The following FAF1 variants were observed in gnomAD, a reference collection of about 807,000 sequenced individuals.
FAF1 encodes Fas associated factor 1.
A neutral mutation model predicts 92.5 loss-of-function variants in FAF1; 25 were observed. That is an observed-to-expected ratio of 0.27 (90% CI 0.20 to 0.38). The LOEUF (loss-of-function observed/expected upper bound fraction) is 0.38. Ranked by LOEUF, FAF1 falls within the 10% of genes least tolerant of loss-of-function variation. The probability of loss-of-function intolerance (pLI) is 1.00; values close to 1 mark genes in which losing one functional copy is unlikely to be tolerated. For missense variants in FAF1, 636 were observed against 793.3 expected (o/e 0.80, Z 2.38); for synonymous variants, 234 against 273.2 (o/e 0.86, Z 1.42).
At chr1:50,806,601 G>C (rs191735710) in intron 2 of FAF1, among the ~76,000 whole-genome samples, 8 of 152,272 alleles carry the variant, frequency 5.3e-5, no homozygotes, top group Admixed American at 2.0e-4. Context: ...CTGAGACAAA[G>C]GGCATTGGCT....
chr1:50,846,598 G>C, intron 2 of FAF1: 2 of 532,868 alleles, frequency 3.8e-6, no homozygotes, highest in South Asian at 2.9e-5. Context: ...ACCTGGGTGA[G>C]TGAGCGCTTC....
At chr1:50,551,203 T>C (rs1377609978) in intron 13 of FAF1, among the ~76,000 whole-genome samples, 2 of 152,162 alleles carry the variant, frequency 1.3e-5, no homozygotes, top group African/African-American at 2.4e-5. Context: ...GGAGGCAAAC[T>C]GTAAATGCTA....
chr1:50,797,398 T>A (rs899009365), intron 3 of FAF1, among the ~76,000 whole-genome samples: 3 of 152,038 alleles, frequency 2.0e-5, no homozygotes, highest in East Asian at 3.9e-4. Flanking sequence ...ATACCTTTTT[T>A]AAAAAAAGAT....
chr1:50,949,091 C>T (rs1038195244), intron 1 of FAF1, among the ~76,000 whole-genome samples: 3 of 152,154 alleles, frequency 2.0e-5, no homozygotes, highest in African/African-American at 2.4e-5. Flanking sequence ...CAGGAATGGA[C>T]GGAATTTCAA....
At position 50,617,361 on chromosome 1, in the gene FAF1, T is replaced by C. The variant is rs567313867; in HGVS notation, c.745-21145A>G. Among the ~76,000 whole-genome samples the C allele has an allele frequency of 1.8e-4, 27 of 152,340 alleles. No homozygotes were observed. The South Asian group carries it at 5.4e-3, about 30-fold the overall frequency. Reference sequence around the variant, plus strand: ...GTTGAGGGTTTTTATCAAGAAGTGATGTTCAGATTTTATCAAAAGCTTTTA... The same window carrying C: ...GTTGAGGGTTTTTATCAAGAAGTGACGTTCAGATTTTATCAAAAGCTTTTA... On this transcript the variant is annotated intron_variant, in intron 8 of 18. Coordinates refer to ENST00000396153, the MANE Select transcript of FAF1 (RefSeq NM_007051.3).
intron 7 of FAF1, among the ~76,000 whole-genome samples, chr1:50,656,902 A>AAAAAT (rs1264262868): frequency 6.6e-6 from 1 of 152,102 alleles, no homozygotes. Flanking sequence ...TAATAAAAAT[A>AAAAAT]AAAATAAAAT....
chr1:50,827,986 GA>G, intron 2 of FAF1, among the ~76,000 whole-genome samples: 1 of 152,140 alleles, frequency 6.6e-6, no homozygotes, highest in South Asian at 2.1e-4. Flanking sequence ...AATATTTTTT[GA>G]GGAAATTGAT....
chr1:50,589,954 G>T (rs1369001982), intron 9 of FAF1, among the ~76,000 whole-genome samples: 1 of 152,142 alleles, frequency 6.6e-6, no homozygotes, highest in African/African-American at 2.4e-5. Context: ...CCATTGAATG[G>T]GATTAGTGCC....
At chr1:50,856,850 C>A (rs1644393990) in intron 2 of FAF1, among the ~76,000 whole-genome samples, 1 of 151,690 alleles carries the variant, frequency 6.6e-6, no homozygotes, top group African/African-American at 2.4e-5. Context: ...TACAGTGACA[C>A]TATGAAATAC....
In FAF1 at chr1:50,440,640, G is replaced by C. The variant is rs945644331; in HGVS notation, c.*800C>G. 2.0e-5 allele frequency: 3 copies of C among 152,224 alleles called. No individual in the cohort carries two copies. Among genetic ancestry groups the C allele is most frequent in the South Asian group, 2.1e-4 (1 of 4,828 alleles). 9.4% of individuals were successfully genotyped at this position (152,224 alleles called of 1,614,324 possible). ...TGATGGACTAGCAACTTGGGAGCTG[G>C]TATCTGTGAGGTTCTAACTGCCCAA... On this transcript the variant is annotated 3_prime_UTR_variant, in exon 19 of 19. Transcript: ENST00000396153.
intron 2 of FAF1, among the ~76,000 whole-genome samples, chr1:50,844,653 T>C (rs900064776): frequency 2.0e-5 from 3 of 151,258 alleles, no homozygotes; most frequent in Non-Finnish European, 2.9e-5. Context: ...TCGGGAAAAA[T>C]GAATACAAAG....
intron 1 of FAF1, among the ~76,000 whole-genome samples, chr1:50,891,411 T>C (rs760152815): frequency 3.3e-5 from 5 of 152,228 alleles, no homozygotes; most frequent in Admixed American, 6.5e-5. Flanking sequence ...AGGAGCTTCA[T>C]TCCTCTGCAG....
intron 7 of FAF1, among the ~76,000 whole-genome samples, chr1:50,687,066 C>A (rs1252843088): frequency 6.6e-6 from 1 of 152,070 alleles, no homozygotes; most frequent in African/African-American, 2.4e-5. Context: ...TGACCTCAGG[C>A]CATCCGTCCA....
intron 7 of FAF1, among the ~76,000 whole-genome samples, chr1:50,692,972 T>C (rs1330313929): frequency 6.6e-6 from 1 of 152,218 alleles, no homozygotes; most frequent in African/African-American, 2.4e-5. Flanking sequence ...TACAAGTCTC[T>C]TATCAATATA....
intron 2 of FAF1, among the ~76,000 whole-genome samples, chr1:50,856,061 CAGTA>C (rs1644388567): frequency 6.6e-6 from 1 of 151,806 alleles, no homozygotes; most frequent in Admixed American, 6.6e-5. Context: ...TATTCACTAC[CAGTA>C]AGTGTTTTAA....
chr1:50,816,759 A>G (rs748741526), intron 2 of FAF1, among the ~76,000 whole-genome samples: 3 of 152,156 alleles, frequency 2.0e-5, no homozygotes, highest in Non-Finnish European at 4.4e-5. Context: ...CTTTGCCAAG[A>G]CCGATGTTTA....
At chr1:50,959,502 T>C (rs1481976597) in intron 1 of FAF1, among the ~76,000 whole-genome samples, 2 of 151,972 alleles carry the variant, frequency 1.3e-5, no homozygotes, top group Non-Finnish European at 2.9e-5. Context: ...CAGGAAACAC[T>C]ACACATTCCA....
At chr1:50,945,456 C>T (rs1645166473) in intron 1 of FAF1, among the ~76,000 whole-genome samples, 1 of 152,178 alleles carries the variant, frequency 6.6e-6, no homozygotes, top group South Asian at 2.1e-4. Flanking sequence ...AAACTTTTAG[C>T]AGGAGGCACA....
intron 6 of FAF1, among the ~76,000 whole-genome samples, chr1:50,731,155 G>A (rs905235318): frequency 6.6e-6 from 1 of 152,066 alleles, no homozygotes; most frequent in Non-Finnish European, 1.5e-5. Flanking sequence ...GTATAAACAA[G>A]TTTCCTGTGT....
Sources: allele counts gnomAD v4.1 joint callset (sites outside exome capture counted in the v4.1 genomes callset), GRCh38; gene constraint gnomAD v4.1.1; transcripts MANE v1.5; gene names NCBI Gene and HGNC (gene_info 2026-07-23, HGNC 2026-07-21).